Variants in PDZD2 observed in about 807,000 individuals in gnomAD.
PDZD2 encodes the protein PDZ domain-containing protein 2.
A neutral mutation model predicts 220.7 loss-of-function variants in PDZD2; 90 were observed. The observed-to-expected ratio is 0.41, with a 90% CI of 0.34 to 0.49. The LOEUF (loss-of-function observed/expected upper bound fraction) is 0.49, where lower values mean the gene tolerates loss of function less well. Among genes scored for constraint, PDZD2 ranks in the 20% least tolerant of loss-of-function variants. The pLI is 0.28. For synonymous variants in PDZD2, 1,375 were observed against 1,450.5 expected (o/e 0.95, Z 1.18); for missense variants, 3,174 against 3,608.5 (o/e 0.88, Z 3.08).
intron 2 of PDZD2, among the ~76,000 whole-genome samples, chr5:31,860,576 G>C (rs188966289): frequency 2.0e-4 from 31 of 152,268 alleles, no homozygotes; most frequent in African/African-American, 7.2e-4. Context: ...CTTTGCCCCA[G>C]AACCCTCCTC....
chr5:31,851,250 T>C (rs1758041909), intron 2 of PDZD2, among the ~76,000 whole-genome samples: 1 of 151,740 alleles, frequency 6.6e-6, no homozygotes, highest in Non-Finnish European at 1.5e-5. Flanking sequence ...CCAGTAAGAG[T>C]CTGTCTGCTG....
intron 2 of PDZD2, among the ~76,000 whole-genome samples, chr5:31,804,043 C>CAA (rs59174858): frequency 1.8e-4 from 23 of 130,740 alleles, no homozygotes; most frequent in South Asian, 9.6e-4. Flanking sequence ...ACCCTGCGTC[C>CAA]AAAAAAAAAA....
chr5:31,759,817 T>C (rs1478932351), intron 1 of PDZD2, among the ~76,000 whole-genome samples: 1 of 152,134 alleles, frequency 6.6e-6, no homozygotes, highest in Non-Finnish European at 1.5e-5. Context: ...AGCGTTGGGA[T>C]TACAGGCATG....
At chr5:32,024,364 G>T (rs964827381) in intron 6 of PDZD2, among the ~76,000 whole-genome samples, 7 of 152,158 alleles carry the variant, frequency 4.6e-5, no homozygotes, top group Admixed American at 6.5e-5. Flanking sequence ...AGATTTGTGG[G>T]TGGAAGACGT....
At chr5:31,912,150 G>A (rs76966114) in intron 2 of PDZD2, among the ~76,000 whole-genome samples, 13,699 of 152,152 alleles carry the variant, frequency 0.09, 809 homozygotes, top group Middle Eastern at 0.14. Flanking sequence ...CGGCTTATAA[G>A]TAACAAACTT....
chr5:32,003,016 C>G (rs531561910), intron 5 of PDZD2, among the ~76,000 whole-genome samples: 115 of 141,538 alleles, frequency 8.1e-4, no homozygotes, highest in African/African-American at 2.9e-3. Flanking sequence ...ACACCACACA[C>G]CACATACCAC....
chr5:31,744,808 C>T (rs907260292), intron 1 of PDZD2, among the ~76,000 whole-genome samples: 21 of 152,154 alleles, frequency 1.4e-4, no homozygotes, highest in Non-Finnish European at 2.8e-4. Context: ...CAGTGGCTGA[C>T]GCCTGTAATC....
At chr5:31,744,454 AAAAG>A (rs1233809365) in intron 1 of PDZD2, 1 of 152,224 alleles carries the variant, frequency 6.6e-6, no homozygotes, top group Non-Finnish European at 1.5e-5. Context: ...ACTTCCAAAA[AAAAG>A]AAGGAAAAGA....
chr5:31,675,692 G>A (rs2150120449), intron 1 of PDZD2, among the ~76,000 whole-genome samples: 1 of 152,194 alleles, frequency 6.6e-6, no homozygotes, highest in South Asian at 2.1e-4. Context: ...ATCCCTTGAA[G>A]GACTTTTTTA....
intron 21 of PDZD2, among the ~76,000 whole-genome samples, chr5:32,095,841 C>A (rs189646683): frequency 6.6e-6 from 1 of 150,382 alleles, no homozygotes; most frequent in African/African-American, 2.5e-5. Flanking sequence ...CCTGGGTTCA[C>A]GCCATTCTCC....
intron 2 of PDZD2, among the ~76,000 whole-genome samples, chr5:31,915,352 T>C (rs942904121): frequency 1.3e-5 from 2 of 152,232 alleles, no homozygotes; most frequent in Admixed American, 6.5e-5. Flanking sequence ...TAACCAGTTA[T>C]GGACCTTCTG....
intron 1 of PDZD2, among the ~76,000 whole-genome samples, chr5:31,769,500 A>G (rs1405925515): frequency 6.6e-6 from 1 of 152,212 alleles, no homozygotes; most frequent in East Asian, 1.9e-4. Context: ...AAAAATGCAC[A>G]GCCTCCAAGG....
At chr5:31,712,391 C>T (rs990302468) in intron 1 of PDZD2, among the ~76,000 whole-genome samples, 2 of 151,806 alleles carry the variant, frequency 1.3e-5, no homozygotes, top group Non-Finnish European at 2.9e-5. Context: ...GGGTCAGAGA[C>T]CTTGGCAATG....
At chr5:31,893,857 G>A (rs1741285328) in intron 2 of PDZD2, among the ~76,000 whole-genome samples, 1 of 150,770 alleles carries the variant, frequency 6.6e-6, no homozygotes, top group Non-Finnish European at 1.5e-5. Flanking sequence ...GAAATTCCTG[G>A]GTTTGGTCTG....
chr5:31,672,598 G>A (rs1432245604), intron 1 of PDZD2, among the ~76,000 whole-genome samples: 1 of 152,158 alleles, frequency 6.6e-6, no homozygotes, highest in Non-Finnish European at 1.5e-5. Flanking sequence ...GGTGCATAAG[G>A]ATCTCTCGGG....
intron 2 of PDZD2, among the ~76,000 whole-genome samples, chr5:31,915,970 G>A (rs1385393707): frequency 3.3e-5 from 5 of 152,138 alleles, no homozygotes; most frequent in Non-Finnish European, 2.9e-5. Context: ...ATGTGTGTTG[G>A]GGGGACAGTG....
intron 2 of PDZD2, among the ~76,000 whole-genome samples, chr5:31,869,740 C>T (rs1186064469): frequency 1.3e-5 from 2 of 152,178 alleles, no homozygotes; most frequent in African/African-American, 4.8e-5. Context: ...AGAAAATTCT[C>T]CGTCTCTTAC....
Position 32,096,829 on chromosome 5 carries a change from AT to A in PDZD2, c.7846-426del, listed in dbSNP as rs71831480. 5.4e-3 allele frequency among the ~76,000 whole-genome samples: 522 copies of A among 96,796 alleles called. 1 individual carries two copies. Among genetic ancestry groups the A allele is most frequent in the Non-Finnish European group, 6.3e-3 (336 of 53,302 alleles). 63.5% of individuals were successfully genotyped at this position (96,796 alleles called of 152,430 possible). A position where few individuals can be genotyped will look rare whatever the true frequency, so the allele number is the denominator to read the frequency against. On this transcript the variant is annotated intron_variant, in intron 21 of 24. Coordinates refer to ENST00000438447, the MANE Select transcript of PDZD2 (RefSeq NM_178140.4). The stretch of plus-strand genomic sequence containing the variant: ...CATCATGATCAAATTATGTACTATG[AT>A]TTTTTTTTTTTTTTTTTTTTTTTGA...
chr5:31,771,236 T>C (rs959109015), intron 1 of PDZD2, among the ~76,000 whole-genome samples: 9 of 152,238 alleles, frequency 5.9e-5, no homozygotes, highest in African/African-American at 1.9e-4. Context: ...TTAATATTCA[T>C]GTAACTATTC....
Sources: gnomAD v4.1 joint callset for allele counts (sites outside exome capture counted in the v4.1 genomes callset) on GRCh38, gnomAD v4.1.1 for gene constraint, MANE v1.5 for transcripts, NCBI Gene and HGNC (gene_info 2026-07-23, HGNC 2026-07-21) for gene names.